ADGRB3: variants seen among roughly 807,000 people sequenced by gnomAD.
The protein encoded by ADGRB3 is brain-specific angiogenesis inhibitor 3.
A neutral mutation model predicts 193.4 loss-of-function variants in ADGRB3; 37 were observed. That is an observed-to-expected ratio of 0.19 (90% CI 0.15 to 0.25). ADGRB3 has a LOEUF of 0.25. Ranked by LOEUF, ADGRB3 falls within the 10% of genes least tolerant of loss-of-function variation. The pLI is 1.00. For missense variants in ADGRB3, 1,637 were observed against 1,852.9 expected (o/e 0.88, Z 2.14); for synonymous variants, 690 against 644.2 (o/e 1.07, Z -1.08).
intron 17 of ADGRB3, among the ~76,000 whole-genome samples, chr6:69,136,685 C>T (rs1371449705): frequency 6.6e-6 from 1 of 151,744 alleles, no homozygotes; most frequent in Non-Finnish European, 1.5e-5. Context: ...CACTCTTTAA[C>T]TTTTTTCCTT....
intron 3 of ADGRB3, among the ~76,000 whole-genome samples, chr6:68,914,212 G>A (rs571151440): frequency 6.7e-5 from 10 of 150,128 alleles, no homozygotes; most frequent in African/African-American, 2.4e-4. Flanking sequence ...GATACTCCTC[G>A]AGAAGAGCAA....
intron 1 of ADGRB3, among the ~76,000 whole-genome samples, chr6:68,636,361 A>G (rs1363480887): frequency 6.6e-6 from 1 of 152,026 alleles, no homozygotes; most frequent in Non-Finnish European, 1.5e-5. Flanking sequence ...GGCGCCGTCT[A>G]TGTTCGACTA....
rs542319178 is a variant in ADGRB3 at position 69,341,647 on chromosome 6, A to C, written c.3459+2143A>C. ...AAGTATTGAATTATTTATAGACCAA[A>C]GGAGTAGAAATTAAGAGGAAATTGA... is the stretch of plus-strand genomic sequence containing the variant. On this transcript the variant is annotated intron_variant, in intron 26 of 31. Coordinates refer to ENST00000370598, the MANE Select transcript of ADGRB3 (RefSeq NM_001704.3). 9.2e-5 allele frequency among the ~76,000 whole-genome samples: 14 copies of C among 152,292 alleles called. 1 individual carries two copies. In the South Asian group the frequency reaches 2.9e-3, roughly 32 times the overall value.
chr6:68,876,166 C>T (rs1227215025), intron 3 of ADGRB3, among the ~76,000 whole-genome samples: 1 of 152,060 alleles, frequency 6.6e-6, no homozygotes, highest in East Asian at 1.9e-4. Context: ...TAAGGAACGT[C>T]CTGTCTAGTT....
chr6:68,809,583 C>T (rs1241193783), intron 3 of ADGRB3, among the ~76,000 whole-genome samples: 1 of 152,100 alleles, frequency 6.6e-6, no homozygotes, highest in Non-Finnish European at 1.5e-5. Flanking sequence ...TCTCTACTTA[C>T]ATAGTTTAAA....
At chr6:69,042,544 G>C (rs181829306) in intron 13 of ADGRB3, among the ~76,000 whole-genome samples, 1 of 152,182 alleles carries the variant, frequency 6.6e-6, no homozygotes, top group Non-Finnish European at 1.5e-5. Flanking sequence ...TAATGCCAAG[G>C]GGGTAATGCT....
At chr6:68,932,344 G>GT (rs1171651722) in intron 4 of ADGRB3, among the ~76,000 whole-genome samples, 3 of 152,008 alleles carry the variant, frequency 2.0e-5, no homozygotes, top group South Asian at 2.1e-4. Flanking sequence ...TTTTGTACAA[G>GT]TTTTTTTTAT....
chr6:69,011,327 A>C (rs556583111), intron 11 of ADGRB3, among the ~76,000 whole-genome samples: 4 of 152,176 alleles, frequency 2.6e-5, no homozygotes, highest in African/African-American at 9.6e-5. Flanking sequence ...CCTGTGCTGC[A>C]ACATGGATGC....
At chr6:68,801,708 C>T (rs1767314925) in intron 3 of ADGRB3, among the ~76,000 whole-genome samples, 1 of 151,890 alleles carries the variant, frequency 6.6e-6, no homozygotes, top group Non-Finnish European at 1.5e-5. Context: ...AAAATAAAAA[C>T]AAAAATAAAA....
chr6:69,027,612 C>T (rs1156456848), intron 13 of ADGRB3, among the ~76,000 whole-genome samples: 1 of 152,026 alleles, frequency 6.6e-6, no homozygotes, highest in Non-Finnish European at 1.5e-5. Context: ...GATGTAGGTA[C>T]TAAAAGGATC....
chr6:69,369,034 G>A (rs1769649964), intron 29 of ADGRB3, among the ~76,000 whole-genome samples: 1 of 152,068 alleles, frequency 6.6e-6, no homozygotes, highest in African/African-American at 2.4e-5. Flanking sequence ...AGAGGGATTT[G>A]TATCTTCATT....
intron 17 of ADGRB3, among the ~76,000 whole-genome samples, chr6:69,219,511 G>T: frequency 9.0e-6 from 1 of 110,504 alleles, no homozygotes; most frequent in African/African-American, 3.0e-5. Flanking sequence ...GTGTATATAG[G>T]TATATATGTG....
At chr6:68,788,916 C>T (rs541538608) in intron 3 of ADGRB3, among the ~76,000 whole-genome samples, 202 of 152,278 alleles carry the variant, frequency 1.3e-3, no homozygotes, top group Non-Finnish European at 2.2e-3. Flanking sequence ...TAATGGCCTT[C>T]TTTGTCTCTT....
chr6:69,025,921 G>T (rs1770420258), intron 13 of ADGRB3, among the ~76,000 whole-genome samples: 1 of 152,180 alleles, frequency 6.6e-6, no homozygotes, highest in African/African-American at 2.4e-5. Context: ...CCTGTTAGGA[G>T]CAAACAAGAC....
chr6:69,171,151 G>A (rs986908416), intron 17 of ADGRB3, among the ~76,000 whole-genome samples: 8 of 147,518 alleles, frequency 5.4e-5, no homozygotes, highest in African/African-American at 1.7e-4. Context: ...TTTTCATAAT[G>A]TCTTTGAATT....
intron 17 of ADGRB3, among the ~76,000 whole-genome samples, chr6:69,144,391 G>A (rs1406289020): frequency 1.3e-5 from 2 of 152,030 alleles, no homozygotes; most frequent in East Asian, 1.9e-4. Flanking sequence ...CAATTTAGAT[G>A]CCCTTTATTT....
At chr6:69,326,636 A>G (rs1053628335) in intron 21 of ADGRB3, among the ~76,000 whole-genome samples, 2 of 152,146 alleles carry the variant, frequency 1.3e-5, no homozygotes, top group African/African-American at 4.8e-5. Context: ...AACAAGTACA[A>G]TAAAATGAAT....
intron 20 of ADGRB3, among the ~76,000 whole-genome samples, chr6:69,301,837 T>C (rs1289488909): frequency 6.6e-6 from 1 of 151,958 alleles, no homozygotes; most frequent in Non-Finnish European, 1.5e-5. Context: ...ATTCAGCTTT[T>C]ATGTAGATGC....
At chr6:69,227,501 A>G (rs1766045010) in intron 17 of ADGRB3, among the ~76,000 whole-genome samples, 1 of 152,206 alleles carries the variant, frequency 6.6e-6, no homozygotes, top group African/African-American at 2.4e-5. Flanking sequence ...AAACACAATG[A>G]AGAGATTATC....
Sources: allele counts gnomAD v4.1 joint callset (sites outside exome capture counted in the v4.1 genomes callset), GRCh38; gene constraint gnomAD v4.1.1; transcripts MANE v1.5; gene names NCBI Gene and HGNC (gene_info 2026-07-23, HGNC 2026-07-21).